Variants in DNAH7 observed in about 807,000 individuals in gnomAD.
DNAH7 encodes dynein axonemal heavy chain 7.
DNAH7 carries 397 observed loss-of-function variants against 444.6 expected under a neutral mutation model. That is an observed-to-expected ratio of 0.89 (90% CI 0.82 to 0.97). The LOEUF is 0.97. Ranked by LOEUF, DNAH7 falls within the 50% of genes least tolerant of loss-of-function variation. The pLI is 0.00. For synonymous variants in DNAH7, 1,636 were observed against 1,624.4 expected, an observed-to-expected ratio of 1.01 and a Z score of -0.17; for missense variants, 4,902 against 4,800.8, an observed-to-expected ratio of 1.02 and a Z score of -0.62.
intron 1 of DNAH7, among the ~76,000 whole-genome samples, chr2:196,065,141 T>C (rs1698356596): frequency 6.6e-6 from 1 of 152,130 alleles, no homozygotes; most frequent in South Asian, 2.1e-4. Flanking sequence ...TAAACAATCT[T>C]GACCTTTTTT....
intron 20 of DNAH7, 69 bp from the exon 21 acceptor site, chr2:195,934,858 G>T (rs181614826): frequency 1.3e-6 from 2 of 1,527,532 alleles, no homozygotes; most frequent in Non-Finnish European, 8.9e-7. Context: ...AGAGTTCTTC[G>T]TTTAAAGTTC....
chr2:196,002,466 T>A (rs1465368655), intron 10 of DNAH7, among the ~76,000 whole-genome samples: 4 of 152,160 alleles, frequency 2.6e-5, no homozygotes, highest in Non-Finnish European at 5.9e-5. Flanking sequence ...CATATATAGG[T>A]ACATAATGAT....
intron 40 of DNAH7, 149 bp from the exon 41 acceptor site, chr2:195,865,170 A>C: frequency 1.5e-6 from 1 of 669,690 alleles, no homozygotes; most frequent in Non-Finnish European, 2.4e-6. Context: ...GGACTGATTC[A>C]CAATAATGTT....
At chr2:196,059,910 G>A (rs1013755233) in intron 1 of DNAH7, among the ~76,000 whole-genome samples, 2 of 152,088 alleles carry the variant, frequency 1.3e-5, no homozygotes, top group African/African-American at 4.8e-5. Context: ...TTAACATTCT[G>A]GTTAATATTA....
At chr2:195,744,227 G>A (rs554370284) in intron 63 of DNAH7, among the ~76,000 whole-genome samples, 294 of 152,344 alleles carry the variant, frequency 1.9e-3, no homozygotes, top group African/African-American at 6.4e-3. Context: ...CACCTGGCTC[G>A]GAGGGGCCTA....
chr2:195,925,102 C>T (rs1688248800), intron 22 of DNAH7, among the ~76,000 whole-genome samples: 1 of 151,334 alleles, frequency 6.6e-6, no homozygotes, highest in Admixed American at 6.6e-5. Context: ...CTCCAAGGGG[C>T]ACTTTTCTTG....
chr2:195,839,411 T>C (rs1698552959), intron 47 of DNAH7, among the ~76,000 whole-genome samples: 1 of 151,714 alleles, frequency 6.6e-6, no homozygotes. Flanking sequence ...GTCCATGGAT[T>C]AGAAAGGAGA....
At chr2:195,740,615 G>GTGTATATA (rs1254122900) in intron 64 of DNAH7, 151 bp downstream of exon 64, 1 of 70,950 alleles carries the variant, frequency 1.4e-5, no homozygotes, top group African/African-American at 5.5e-5. Context: ...GTGTGTGTGT[G>GTGTATATA]TATATATATA....
chr2:196,056,243 G>T (rs572342108), intron 2 of DNAH7, among the ~76,000 whole-genome samples: 1 of 151,854 alleles, frequency 6.6e-6, no homozygotes, highest in African/African-American at 2.4e-5. Context: ...TCAGGGGTTC[G>T]AGACCAGCCT....
In DNAH7 at chr2:195,737,822, G is replaced by GTATT; in HGVS notation, c.*95_*98dup. ...TTCATAATTATAACTTTAGTCAAAT[G>GTATT]TATTTAAACAAACAAAAAAAAAGGT... On this transcript the variant is annotated 3_prime_UTR_variant, in exon 65 of 65. Transcript: ENST00000312428. 4.8e-6 allele frequency: 5 copies of GTATT among 1,042,374 alleles called. No individual in the cohort carries two copies. Among genetic ancestry groups the GTATT allele is most frequent in the South Asian group, 1.6e-5 (1 of 61,878 alleles). 64.6% of individuals were successfully genotyped at this position (1,042,374 alleles called of 1,614,324 possible). A position where few individuals can be genotyped will look rare whatever the true frequency, so the allele number is the denominator to read the frequency against.
chr2:196,034,073 A>G (rs1304997107), intron 5 of DNAH7, among the ~76,000 whole-genome samples: 1 of 152,238 alleles, frequency 6.6e-6, no homozygotes, highest in Admixed American at 6.5e-5. Context: ...CAAAAAGGAT[A>G]TAAAAAGAAA....
At chr2:195,942,288 G>C (rs1350847797) in intron 19 of DNAH7, among the ~76,000 whole-genome samples, 1 of 152,028 alleles carries the variant, frequency 6.6e-6, no homozygotes, top group Admixed American at 6.6e-5. Context: ...GCACATTCCA[G>C]AAGAGGGTCC....
At chr2:195,739,156 T>TA (rs1375763721) in intron 64 of DNAH7, among the ~76,000 whole-genome samples, 1 of 152,250 alleles carries the variant, frequency 6.6e-6, no homozygotes, top group African/African-American at 2.4e-5. Context: ...GCAAGCTACT[T>TA]AAGAGTTTCC....
chr2:195,910,861 G>C (rs539713787), intron 24 of DNAH7, among the ~76,000 whole-genome samples: 7 of 152,138 alleles, frequency 4.6e-5, no homozygotes, highest in African/African-American at 1.7e-4. Context: ...CCTTCATGCG[G>C]GGCCTGATGA....
chr2:195,991,196 A>T (rs1241834809), intron 12 of DNAH7, among the ~76,000 whole-genome samples: 1 of 151,970 alleles, frequency 6.6e-6, no homozygotes, highest in Non-Finnish European at 1.5e-5. Flanking sequence ...ACAAAGCTAA[A>T]CTGACTCATA....
At chr2:195,761,990 C>T (rs1280579240) in intron 61 of DNAH7, among the ~76,000 whole-genome samples, 1 of 151,830 alleles carries the variant, frequency 6.6e-6, no homozygotes, top group Non-Finnish European at 1.5e-5. Context: ...AGGAGAAAGA[C>T]TAAAAGATGA....
chr2:195,832,434 T>A (rs1252760635), intron 48 of DNAH7, among the ~76,000 whole-genome samples: 5 of 151,788 alleles, frequency 3.3e-5, no homozygotes, highest in Admixed American at 2.6e-4. Flanking sequence ...TTTTGGTTTT[T>A]TCTTTCTTTC....
intron 15 of DNAH7, among the ~76,000 whole-genome samples, chr2:195,978,762 A>G (rs1310278341): frequency 6.6e-6 from 1 of 152,096 alleles, no homozygotes. Flanking sequence ...ACCAAAAGAG[A>G]CCCGGAGTAG....
intron 57 of DNAH7, among the ~76,000 whole-genome samples, chr2:195,792,641 A>C (rs1230471606): frequency 6.6e-6 from 1 of 152,166 alleles, no homozygotes; most frequent in Non-Finnish European, 1.5e-5. Flanking sequence ...TGATAGATTA[A>C]ATAACAGTGT....
Sources: gnomAD v4.1 joint callset for allele counts (sites outside exome capture counted in the v4.1 genomes callset) on GRCh38, gnomAD v4.1.1 for gene constraint, MANE v1.5 for transcripts, NCBI Gene and HGNC (gene_info 2026-07-23, HGNC 2026-07-21) for gene names.